FBXO25: variants seen among roughly 807,000 people sequenced by gnomAD.
The protein encoded by FBXO25 is F-box only protein 25.
A neutral mutation model predicts 51.9 loss-of-function variants in FBXO25; 45 were observed. The observed-to-expected ratio is 0.87, with a 90% confidence interval of 0.68 to 1.11. The LOEUF (loss-of-function observed/expected upper bound fraction) is 1.11, where lower values mean the gene tolerates loss of function less well. FBXO25 is among the 50% of genes most tolerant of loss of function. FBXO25 has a pLI of 0.00. For missense variants in FBXO25, 507 were observed against 428.5 expected (o/e 1.18, Z -1.62); for synonymous variants, 199 against 151.0 (o/e 1.32, Z -2.33).
rs1207244013 is a variant in FBXO25 at position 418,333 on chromosome 8, CTTTTTTT to C, written c.134+5138_134+5144del. On this transcript the variant is annotated intron_variant, in intron 2 of 9. Coordinates refer to ENST00000350302, the MANE Select transcript of FBXO25 (RefSeq NM_183420.2). ...CCTTTCTTTTGTTCGTTTGTTTGTT[CTTTTTTT>C]TTTTTTTTTTTTTTTTTGAGATGGA... 1.5e-4 allele frequency among the ~76,000 whole-genome samples: 11 copies of C among 72,328 alleles called. No homozygotes were observed. In the East Asian group the frequency reaches 2.6e-3, roughly 17 times the overall value. 47.4% of individuals were successfully genotyped at this position (72,328 alleles called of 152,430 possible).
chr8:447,664 G>A (rs1309341018), intron 5 of FBXO25, among the ~76,000 whole-genome samples: 1 of 152,168 alleles, frequency 6.6e-6, no homozygotes, highest in Non-Finnish European at 1.5e-5. Flanking sequence ...ATAACTTGGG[G>A]CTGGGATACA....
intron 5 of FBXO25, among the ~76,000 whole-genome samples, chr8:438,461 G>T (rs1252949291): frequency 6.6e-6 from 1 of 152,222 alleles, no homozygotes; most frequent in Admixed American, 6.5e-5. Flanking sequence ...TAGGATAAAA[G>T]TTAGTAGTAG....
intron 2 of FBXO25, among the ~76,000 whole-genome samples, chr8:429,764 C>G (rs543181850): frequency 1.7e-4 from 26 of 152,326 alleles, no homozygotes; most frequent in African/African-American, 5.3e-4. Flanking sequence ...CCCCAAGGCC[C>G]TAATGCTGAA....
chr8:434,502 T>C (rs1010653188), intron 4 of FBXO25, among the ~76,000 whole-genome samples: 1 of 152,126 alleles, frequency 6.6e-6, no homozygotes, highest in African/African-American at 2.4e-5. Flanking sequence ...TGAGTATATT[T>C]TGTTGAGTTG....
rs1173922675 is a variant in FBXO25, at chr8:435,694, A to G, written c.368A>G (p.Asn123Ser). 3.1e-6 allele frequency: 5 copies of G among 1,588,970 alleles called. No homozygotes were observed. Among genetic ancestry groups the G allele is most frequent in the African/African-American group, 1.4e-5 (1 of 73,712 alleles). The change falls in exon 5 of 10, where the codon AAT (asparagine) becomes AGT (serine). Residue 123 changes from asparagine (N) to serine (S), a missense_variant. By Grantham distance (46) the Asn-to-Ser change is conservative. Coordinates refer to ENST00000350302, the MANE Select transcript of FBXO25 (RefSeq NM_183420.2). ...GCAATTCAAGATATCCGAAGGTTCAATTATGTGGTCAAAGTAAGTGTTCTA... is the reference window on the plus strand; with the variant it reads ...GCAATTCAAGATATCCGAAGGTTCAGTTATGTGGTCAAAGTAAGTGTTCTA... ...SSAIQDIRRF[N>S]YVVKLLQLIA...
At chr8:451,057 T>G (rs1167000965) in intron 6 of FBXO25, 4 of 443,922 alleles carry the variant, frequency 9.0e-6, no homozygotes, top group Non-Finnish European at 1.6e-5. Flanking sequence ...CTAGCTTATT[T>G]CACTTTGCAT....
At chr8:466,896 A>G (rs1398897385) in intron 9 of FBXO25, among the ~76,000 whole-genome samples, 1 of 152,148 alleles carries the variant, frequency 6.6e-6, no homozygotes, top group Non-Finnish European at 1.5e-5. Flanking sequence ...TCCCGGCTGT[A>G]CAAAACCTCA....
rs954220821 is a variant in FBXO25 at position 471,907 on chromosome 8, G to C, written c.*3103G>C. On this transcript the variant is annotated 3_prime_UTR_variant, in exon 10 of 10. Coordinates refer to ENST00000350302, the MANE Select transcript of FBXO25 (RefSeq NM_183420.2). ...GAAAAAATTTAACCATCTGTGAACA[G>C]TTTTTTGCCTTAAGTGCTGCTTTTA... is the stretch of plus-strand genomic sequence containing the variant. 2 of 152,168 alleles carry C rather than the reference G, an allele frequency of 1.3e-5. No homozygotes were observed. Among genetic ancestry groups the C allele is most frequent in the African/African-American group, 4.8e-5 (2 of 41,444 alleles). 9.4% of individuals were successfully genotyped at this position (152,168 alleles called of 1,614,324 possible).
intron 5 of FBXO25, among the ~76,000 whole-genome samples, chr8:445,607 CT>C (rs1329529700): frequency 1.3e-5 from 2 of 152,306 alleles, no homozygotes; most frequent in East Asian, 3.9e-4. Flanking sequence ...AATCCCAGCA[CT>C]TTGGGAGGCC....
chr8:468,799 T>C lies in FBXO25; in HGVS notation c.1072T>C (p.Phe358Leu). 6.2e-7 allele frequency: 1 copy of C among 1,613,726 alleles called. No homozygotes were observed. Among genetic ancestry groups the C allele is most frequent in the Non-Finnish European group, 8.5e-7 (1 of 1,179,940 alleles). The change falls in exon 10 of 10, where the codon TTT (phenylalanine) becomes CTT (leucine). Residue 358 changes from phenylalanine to leucine, a missense_variant. Phe to Leu is a conservative substitution (Grantham distance 22). Coordinates refer to ENST00000350302, the MANE Select transcript of FBXO25 (RefSeq NM_183420.2). Reference protein sequence around the residue: ...SPQHFIDLFKF With the variant: ...SPQHFIDLFKL ...GCAGCACTTCATCGACCTCTTCAAGTTTTAAGGGCTGCCCCTGCCATCCCT... is the reference window on the plus strand; with the variant it reads ...GCAGCACTTCATCGACCTCTTCAAGCTTTAAGGGCTGCCCCTGCCATCCCT...
At chr8:414,093 A>G (rs1250827102) in intron 2 of FBXO25, among the ~76,000 whole-genome samples, 1 of 152,220 alleles carries the variant, frequency 6.6e-6, no homozygotes, top group African/African-American at 2.4e-5. Flanking sequence ...ACAGAAGTTC[A>G]GTAACTTTAG....
intron 8 of FBXO25, among the ~76,000 whole-genome samples, chr8:460,035 G>A (rs1319506969): frequency 6.6e-6 from 1 of 152,100 alleles, no homozygotes; most frequent in African/African-American, 2.4e-5. Flanking sequence ...TGGGCATGGG[G>A]GAGGGGGTGG....
At position 468,779 on chromosome 8, in the gene FBXO25, A is replaced by C. The variant is rs1356749308; in HGVS notation, c.1052A>C (p.His351Pro). 3.1e-6 allele frequency: 5 copies of C among 1,613,850 alleles called. No homozygotes were observed. Among genetic ancestry groups the C allele is most frequent in the Non-Finnish European group, 3.4e-6 (4 of 1,180,004 alleles). Reference sequence around the variant, plus strand: ...TGCTTCACGCCTGTGTCTCCGCAGCACTTCATCGACCTCTTCAAGTTTTAA... The same window carrying C: ...TGCTTCACGCCTGTGTCTCCGCAGCCCTTCATCGACCTCTTCAAGTTTTAA... ...DSCFTPVSPQHFIDLFKF is the reference protein window; with the variant it reads ...DSCFTPVSPQPFIDLFKF The change falls in exon 10 of 10, where the codon CAC (histidine) becomes CCC (proline). Residue 351 changes from histidine (H) to proline (P), a missense_variant. Transcript: ENST00000350302.
intron 1 of FBXO25, among the ~76,000 whole-genome samples, chr8:407,990 T>A (rs62483094): frequency 0.15 from 22,609 of 152,192 alleles, 1,780 homozygotes; most frequent in South Asian, 0.18. Flanking sequence ...TCCAAATCCT[T>A]ACCATCCGGC....
chr8:460,541 C>G (rs921237373), intron 8 of FBXO25, among the ~76,000 whole-genome samples: 1 of 152,108 alleles, frequency 6.6e-6, no homozygotes, highest in Non-Finnish European at 1.5e-5. Flanking sequence ...CCTGAGAAAA[C>G]TGGACTGGTT....
chr8:442,979 G>C (rs1333930297), intron 5 of FBXO25, among the ~76,000 whole-genome samples: 2 of 152,144 alleles, frequency 1.3e-5, no homozygotes. Context: ...AGCAAAGTAT[G>C]TTAACGCTCC....
rs920691478 is a variant in FBXO25, at chr8:470,765, G to T, written c.*1961G>T. ...CTGAAGCACAGGTATTTCTTTTTCT[G>T]TTGGTGCTGTTTTAATAAGTGAAGA... On this transcript the variant is annotated 3_prime_UTR_variant, in exon 10 of 10. Transcript: ENST00000350302. 2 of 152,186 alleles carry T rather than the reference G, an allele frequency of 1.3e-5. No homozygotes were observed. The highest frequency in any genetic ancestry group is 2.9e-5 in the Non-Finnish European group (2 of 68,034). The allele number at this position is 152,186 out of a possible 1,614,324, so 9.4% of individuals were successfully genotyped here.
chr8:448,230 T>C (rs1194200895), intron 5 of FBXO25, among the ~76,000 whole-genome samples: 1 of 151,950 alleles, frequency 6.6e-6, no homozygotes, highest in East Asian at 1.9e-4. Context: ...CAGGTAAAAA[T>C]AGATGGAAGT....
chr8:425,731 A>T (rs989460113), intron 2 of FBXO25, among the ~76,000 whole-genome samples: 18 of 152,026 alleles, frequency 1.2e-4, no homozygotes, highest in African/African-American at 4.1e-4. Context: ...TATATCTTAT[A>T]TGCAGTATGG....
Sources: allele counts gnomAD v4.1 joint callset (sites outside exome capture counted in the v4.1 genomes callset), GRCh38; gene constraint gnomAD v4.1.1; transcripts MANE v1.5; gene names NCBI Gene and HGNC (gene_info 2026-07-23, HGNC 2026-07-21).